RAD51B: variants seen among roughly 807,000 people sequenced by gnomAD.
The protein encoded by RAD51B is DNA repair protein RAD51 homolog 2.
RAD51B carries 38 observed loss-of-function variants against 42.2 expected under a neutral mutation model. The observed-to-expected ratio is 0.90, with a 90% CI of 0.70 to 1.18. RAD51B has a LOEUF of 1.18. RAD51B is among the 50% of genes most tolerant of loss of function. The probability of loss-of-function intolerance (pLI) is 0.00; values close to 1 mark genes in which losing one functional copy is unlikely to be tolerated. For synonymous variants in RAD51B, 154 were observed against 145.2 expected, an observed-to-expected ratio of 1.06 and a Z score of -0.43; for missense variants, 373 against 400.7, an observed-to-expected ratio of 0.93 and a Z score of 0.59.
intron 7 of RAD51B, among the ~76,000 whole-genome samples, chr14:67,935,372 A>C (rs562693170): frequency 2.6e-5 from 4 of 152,116 alleles, no homozygotes; most frequent in African/African-American, 4.8e-5. Context: ...CTCTTAAAAA[A>C]GTTTTTTTTT....
intron 8 of RAD51B, among the ~76,000 whole-genome samples, chr14:68,294,431 A>G (rs2081574546): frequency 6.6e-6 from 1 of 152,192 alleles, no homozygotes; most frequent in South Asian, 2.1e-4. Flanking sequence ...ATATATTACA[A>G]TGGATGTTAA....
chr14:68,212,452 G>A (rs2079731083), intron 7 of RAD51B, among the ~76,000 whole-genome samples: 1 of 152,218 alleles, frequency 6.6e-6, no homozygotes, highest in Non-Finnish European at 1.5e-5. Flanking sequence ...CCAGCAGCAA[G>A]GTAAATACCA....
intron 7 of RAD51B, among the ~76,000 whole-genome samples, chr14:68,192,286 A>G (rs1169189399): frequency 6.6e-6 from 1 of 152,198 alleles, no homozygotes; most frequent in Non-Finnish European, 1.5e-5. Flanking sequence ...GGACACAGCA[A>G]GAGCCACTGT....
intron 10 of RAD51B, among the ~76,000 whole-genome samples, chr14:68,570,656 G>T (rs1889649122): frequency 6.6e-6 from 1 of 152,192 alleles, no homozygotes; most frequent in Non-Finnish European, 1.5e-5. Flanking sequence ...GACCCTCTGT[G>T]TCCAGCCCCC....
At chr14:68,164,099 G>C (rs1166386305) in intron 7 of RAD51B, among the ~76,000 whole-genome samples, 1 of 152,176 alleles carries the variant, frequency 6.6e-6, no homozygotes, top group Non-Finnish European at 1.5e-5. Flanking sequence ...CAATTTTACA[G>C]AGCAGAGATG....
intron 7 of RAD51B, among the ~76,000 whole-genome samples, chr14:68,184,602 C>A (rs1426926423): frequency 9.1e-6 from 1 of 109,496 alleles, no homozygotes. Context: ...AGAGCAAGGC[C>A]CTGTCTAAAA....
At chr14:68,177,082 T>C (rs1407737258) in intron 7 of RAD51B, among the ~76,000 whole-genome samples, 2 of 152,190 alleles carry the variant, frequency 1.3e-5, no homozygotes, top group African/African-American at 4.8e-5. Flanking sequence ...AAAGGTAATG[T>C]TGGACTAAGA....
chr14:67,842,375 C>G (rs1250238432), intron 4 of RAD51B, among the ~76,000 whole-genome samples: 2 of 151,958 alleles, frequency 1.3e-5, no homozygotes, highest in African/African-American at 2.4e-5. Flanking sequence ...TATTTTGATG[C>G]CTTTTATTTC....
At chr14:68,586,514 G>C (rs933674106) in intron 10 of RAD51B, among the ~76,000 whole-genome samples, 2 of 152,212 alleles carry the variant, frequency 1.3e-5, no homozygotes, top group Non-Finnish European at 2.9e-5. Context: ...GGAGGTGGGG[G>C]CAGACCAGGG....
chr14:67,865,280 G>A (rs1055328605), intron 5 of RAD51B, 141 bp downstream of exon 5: 154 of 841,994 alleles, frequency 1.8e-4, no homozygotes, highest in Non-Finnish European at 2.3e-4. Flanking sequence ...CTCTGTTGCC[G>A]GGCTGGAGTG....
intron 5 of RAD51B, among the ~76,000 whole-genome samples, chr14:67,867,888 A>T (rs575284562): frequency 2.4e-4 from 37 of 152,348 alleles, no homozygotes; most frequent in African/African-American, 8.2e-4. Context: ...AGCACAAATG[A>T]GAAAGTGTTT....
At chr14:68,399,060 A>G (rs1344662444) in intron 8 of RAD51B, among the ~76,000 whole-genome samples, 1 of 152,196 alleles carries the variant, frequency 6.6e-6, no homozygotes, top group Non-Finnish European at 1.5e-5. Context: ...ATAGAAACAT[A>G]TGAATGCCCT....
intron 7 of RAD51B, among the ~76,000 whole-genome samples, chr14:67,969,329 G>T (rs1300190368): frequency 6.6e-6 from 1 of 152,090 alleles, no homozygotes; most frequent in East Asian, 1.9e-4. Flanking sequence ...ACACTTGTTG[G>T]ACCCAGTTCA....
chr14:67,824,208 C>T (rs552159081), intron 2 of RAD51B, among the ~76,000 whole-genome samples: 148 of 152,266 alleles, frequency 9.7e-4, no homozygotes, highest in Non-Finnish European at 1.0e-3. Context: ...TACAGGCACA[C>T]ACCACTGTGC....
intron 7 of RAD51B, among the ~76,000 whole-genome samples, chr14:68,208,581 T>A (rs894181859): frequency 6.6e-6 from 1 of 152,132 alleles, no homozygotes; most frequent in East Asian, 1.9e-4. Flanking sequence ...CTTCACAGAG[T>A]CATGGAATAT....
intron 5 of RAD51B, among the ~76,000 whole-genome samples, chr14:67,869,564 C>T (rs2042450346): frequency 6.6e-6 from 1 of 152,136 alleles, no homozygotes; most frequent in Admixed American, 6.5e-5. Flanking sequence ...AGCCAACATT[C>T]AGATTCAGGA....
chr14:68,088,365 C>T (rs960066817), intron 7 of RAD51B, among the ~76,000 whole-genome samples: 7 of 151,794 alleles, frequency 4.6e-5, no homozygotes, highest in Non-Finnish European at 8.8e-5. Context: ...CAATTTGGAT[C>T]GCTGTCATTT....
chr14:68,535,429 A>C (rs1326360777), intron 10 of RAD51B, among the ~76,000 whole-genome samples: 1 of 101,774 alleles, frequency 9.8e-6, no homozygotes, highest in Non-Finnish European at 1.8e-5. Context: ...CATTATTTTT[A>C]GTTTCTGCAT....
chr14:67,984,353 A>G (rs903519999), intron 7 of RAD51B, among the ~76,000 whole-genome samples: 2 of 152,224 alleles, frequency 1.3e-5, no homozygotes, highest in East Asian at 3.8e-4. Context: ...AAACACTGCC[A>G]CATACTGATT....
Sources: allele counts gnomAD v4.1 joint callset (sites outside exome capture counted in the v4.1 genomes callset), GRCh38; gene constraint gnomAD v4.1.1; transcripts MANE v1.5; gene names NCBI Gene and HGNC (gene_info 2026-07-23, HGNC 2026-07-21).